PCDH9: variants seen among roughly 807,000 people sequenced by gnomAD.
The protein encoded by PCDH9 is protocadherin 9.
In PCDH9, 24 loss-of-function variants were observed where a neutral mutation model predicts 70.6. The ratio of observed to expected loss-of-function variants is 0.34; its 90% confidence interval spans 0.25 to 0.48. The LOEUF (loss-of-function observed/expected upper bound fraction) is 0.48. Ranked by LOEUF, PCDH9 falls within the 20% of genes least tolerant of loss-of-function variation. The pLI is 0.99. For synonymous variants in PCDH9, 562 were observed against 558.5 expected, an observed-to-expected ratio of 1.01 and a Z score of -0.09; for missense variants, 1,281 against 1,503.6, an observed-to-expected ratio of 0.85 and a Z score of 2.45.
chr13:66,305,232 T>C (rs1439589634), intron 4 of PCDH9, among the ~76,000 whole-genome samples: 1 of 152,078 alleles, frequency 6.6e-6, no homozygotes, highest in Non-Finnish European at 1.5e-5. Flanking sequence ...GATTGATCTA[T>C]TAATATTTTC....
At chr13:67,165,458 G>T (rs531643935) in intron 2 of PCDH9, among the ~76,000 whole-genome samples, 1 of 151,944 alleles carries the variant, frequency 6.6e-6, no homozygotes, top group African/African-American at 2.4e-5. Context: ...ACTATTCTGC[G>T]ATTAAAATAT....
chr13:67,158,268 T>C (rs1251317241), intron 2 of PCDH9, among the ~76,000 whole-genome samples: 1 of 152,214 alleles, frequency 6.6e-6, no homozygotes, highest in Non-Finnish European at 1.5e-5. Context: ...CAAACACCTA[T>C]TTGATTTCAT....
intron 2 of PCDH9, among the ~76,000 whole-genome samples, chr13:67,111,806 C>G (rs542775319): frequency 2.0e-5 from 3 of 152,016 alleles, no homozygotes; most frequent in Admixed American, 1.3e-4. Flanking sequence ...TATTATGTAA[C>G]CTTCACTTCT....
intron 4 of PCDH9, among the ~76,000 whole-genome samples, chr13:66,403,967 A>G (rs1219368725): frequency 2.0e-5 from 3 of 152,182 alleles, no homozygotes; most frequent in African/African-American, 7.2e-5. Flanking sequence ...AAAGAGAACA[A>G]TTGATTGGAG....
At chr13:67,142,473 G>T (rs1346080371) in intron 2 of PCDH9, among the ~76,000 whole-genome samples, 1 of 152,096 alleles carries the variant, frequency 6.6e-6, no homozygotes, top group Non-Finnish European at 1.5e-5. Flanking sequence ...CCTGATGTTT[G>T]AATTTTAAAT....
intron 2 of PCDH9, among the ~76,000 whole-genome samples, chr13:67,006,144 G>A (rs907419983): frequency 6.6e-6 from 1 of 152,074 alleles, no homozygotes; most frequent in South Asian, 2.1e-4. Context: ...GGAGAATGGC[G>A]TGAACCCGGG....
At chr13:66,572,185 C>G (rs1231211768) in intron 4 of PCDH9, among the ~76,000 whole-genome samples, 1 of 152,040 alleles carries the variant, frequency 6.6e-6, no homozygotes, top group Non-Finnish European at 1.5e-5. Context: ...AATTAGGACA[C>G]CCACCACTAT....
chr13:67,203,642 A>G (rs1027118689), intron 2 of PCDH9: 2 of 152,256 alleles, frequency 1.3e-5, no homozygotes, highest in Middle Eastern at 3.4e-3. Context: ...TTGTGGTTAA[A>G]GGATAAAATG....
intron 4 of PCDH9, among the ~76,000 whole-genome samples, chr13:66,513,316 T>C (rs1461363938): frequency 1.3e-5 from 2 of 151,992 alleles, no homozygotes; most frequent in African/African-American, 4.8e-5. Flanking sequence ...AAATGTCTGC[T>C]ATAATATATG....
At chr13:67,122,568 A>T (rs768583316) in intron 2 of PCDH9, among the ~76,000 whole-genome samples, 7 of 151,786 alleles carry the variant, frequency 4.6e-5, no homozygotes, top group Admixed American at 4.6e-4. Context: ...AGGTCAGGAG[A>T]TGGAGACCAT....
chr13:66,417,248 A>G (rs538655168), intron 4 of PCDH9, among the ~76,000 whole-genome samples: 2 of 151,460 alleles, frequency 1.3e-5, no homozygotes, highest in African/African-American at 2.4e-5. Flanking sequence ...TCATTGTTCA[A>G]CTCCCACTTA....
At chr13:66,778,066 G>T (rs1476305355) in intron 3 of PCDH9, among the ~76,000 whole-genome samples, 1 of 148,456 alleles carries the variant, frequency 6.7e-6, no homozygotes, top group Non-Finnish European at 1.5e-5. Context: ...CTCACTCATA[G>T]GTGGGAATTG....
intron 4 of PCDH9, among the ~76,000 whole-genome samples, chr13:66,576,675 T>A (rs572307728): frequency 6.6e-6 from 1 of 152,172 alleles, no homozygotes; most frequent in African/African-American, 2.4e-5. Context: ...TATGGGAGCA[T>A]TCTCATGGGG....
At chr13:66,870,795 G>T (rs535774019) in intron 3 of PCDH9, among the ~76,000 whole-genome samples, 74 of 152,264 alleles carry the variant, frequency 4.9e-4, no homozygotes, top group African/African-American at 1.8e-3. Flanking sequence ...TGGTGGGACT[G>T]TAAACTAGTT....
intron 3 of PCDH9, among the ~76,000 whole-genome samples, chr13:66,689,911 T>TA (rs2078458565): frequency 6.6e-6 from 1 of 152,188 alleles, no homozygotes; most frequent in Admixed American, 6.6e-5. Flanking sequence ...TTTTATTTTT[T>TA]AAAGACTATG....
chr13:66,525,253 C>T (rs1960161388), intron 4 of PCDH9, among the ~76,000 whole-genome samples: 1 of 152,068 alleles, frequency 6.6e-6, no homozygotes, highest in South Asian at 2.1e-4. Flanking sequence ...TTCTTGGAAG[C>T]AGTGGTCATC....
chr13:66,353,133 T>C, intron 4 of PCDH9, among the ~76,000 whole-genome samples: 1 of 152,218 alleles, frequency 6.6e-6, no homozygotes. Context: ...CCTTCCCCTC[T>C]TTTGATTTTT....
chr13:66,790,280 A>G (rs549907012), intron 3 of PCDH9, among the ~76,000 whole-genome samples: 85 of 152,072 alleles, frequency 5.6e-4, no homozygotes, highest in Non-Finnish European at 1.1e-3. Context: ...TTTTTTCCCC[A>G]AAAGATTTGG....
At chr13:67,194,836 T>G (rs2089016786) in intron 2 of PCDH9, among the ~76,000 whole-genome samples, 1 of 152,148 alleles carries the variant, frequency 6.6e-6, no homozygotes, top group South Asian at 2.1e-4. Context: ...TTAGAGTAGA[T>G]GTCGAAATAT....
Sources: gnomAD v4.1 joint callset for allele counts (sites outside exome capture counted in the v4.1 genomes callset) on GRCh38, gnomAD v4.1.1 for gene constraint, MANE v1.5 for transcripts, NCBI Gene and HGNC (gene_info 2026-07-23, HGNC 2026-07-21) for gene names.